Variants in EFHC1 observed in about 807,000 individuals in gnomAD.
EFHC1 encodes EF-hand domain containing 1, also known as EF-hand domain-containing protein 1.
EFHC1 carries 53 observed loss-of-function variants against 69.9 expected under a neutral mutation model. The observed-to-expected ratio is 0.76, with a 90% confidence interval of 0.61 to 0.95. EFHC1 has a LOEUF of 0.95. Ranked by LOEUF, EFHC1 falls within the 40% of genes least tolerant of loss-of-function variation. The pLI, the probability that EFHC1 is intolerant of heterozygous loss-of-function variation, is 0.00. For synonymous variants in EFHC1, 256 were observed against 278.4 expected, an observed-to-expected ratio of 0.92 and a Z score of 0.80; for missense variants, 739 against 798.7, an observed-to-expected ratio of 0.93 and a Z score of 0.90.
At chr6:52,424,292 T>C (rs1764258003) in intron 2 of EFHC1, 125 bp downstream of exon 2, 1 of 923,384 alleles carries the variant, frequency 1.1e-6, no homozygotes, top group Non-Finnish European at 1.7e-6. Context: ...TTCAGATGCC[T>C]TAACCCTTAG....
chr6:52,461,358 A>G (rs1301619926), intron 5 of EFHC1, among the ~76,000 whole-genome samples: 1 of 152,194 alleles, frequency 6.6e-6, no homozygotes, highest in East Asian at 1.9e-4. Context: ...GCTAAAGATA[A>G]TGGCCTTCAG....
At chr6:52,429,297 G>A (rs1764368313) in intron 2 of EFHC1, among the ~76,000 whole-genome samples, 1 of 152,156 alleles carries the variant, frequency 6.6e-6, no homozygotes, top group African/African-American at 2.4e-5. Context: ...GTTTTCCAAT[G>A]TTATTTTCTA....
chr6:52,451,325 T>C (rs1764912686), intron 3 of EFHC1, among the ~76,000 whole-genome samples: 1 of 152,186 alleles, frequency 6.6e-6, no homozygotes, highest in Non-Finnish European at 1.5e-5. Flanking sequence ...GTAAGGCAGG[T>C]CTGGTGGTAA....
At chr6:52,449,921 A>G (rs1386180955) in intron 3 of EFHC1, among the ~76,000 whole-genome samples, 1 of 152,032 alleles carries the variant, frequency 6.6e-6, no homozygotes, top group East Asian at 1.9e-4. Context: ...TTTGAGATGT[A>G]ACTTTTTGAC....
intron 2 of EFHC1, among the ~76,000 whole-genome samples, chr6:52,434,938 G>C (rs1289728794): frequency 6.6e-6 from 1 of 151,814 alleles, no homozygotes; most frequent in East Asian, 1.9e-4. Context: ...ATATATATGT[G>C]TATCTCCTTG....
At position 52,493,145 on chromosome 6, in the gene EFHC1, A is replaced by G; in HGVS notation, c.*804A>G. 1 of 453,724 alleles carries G rather than the reference A, an allele frequency of 2.2e-6. No homozygotes were observed. The highest frequency in any genetic ancestry group is 4.4e-6 in the Non-Finnish European group (1 of 226,720). 28.1% of individuals were successfully genotyped at this position (453,724 alleles called of 1,614,324 possible). A position where few individuals can be genotyped will look rare whatever the true frequency, so the allele number is the denominator to read the frequency against. ...CATCAGCCTTTTCTTGCCTTCAGACACAAATGGAAACATCAGCTGTTGGTC... is the reference window on the plus strand; with the variant it reads ...CATCAGCCTTTTCTTGCCTTCAGACGCAAATGGAAACATCAGCTGTTGGTC... On this transcript the variant is annotated 3_prime_UTR_variant, in exon 11 of 11. Transcript: ENST00000371068.
At chr6:52,437,123 C>T (rs564429342) in intron 2 of EFHC1, among the ~76,000 whole-genome samples, 7 of 152,262 alleles carry the variant, frequency 4.6e-5, no homozygotes, top group African/African-American at 1.2e-4. Context: ...GGTATGTACA[C>T]ACCCTTCAAA....
At chr6:52,448,417 G>A (rs1183355639) in intron 3 of EFHC1, among the ~76,000 whole-genome samples, 1 of 152,190 alleles carries the variant, frequency 6.6e-6, no homozygotes, top group Non-Finnish European at 1.5e-5. Context: ...TAAGGCCATT[G>A]GAAAAGTGCA....
At chr6:52,450,628 C>T (rs1391480203) in intron 3 of EFHC1, among the ~76,000 whole-genome samples, 3 of 152,058 alleles carry the variant, frequency 2.0e-5, no homozygotes, top group African/African-American at 4.8e-5. Context: ...ACTGCAACCC[C>T]TGCTTTTTTC....
At chr6:52,487,875 T>C (rs1368805690) in intron 9 of EFHC1, 2 of 152,298 alleles carry the variant, frequency 1.3e-5, no homozygotes, top group African/African-American at 2.4e-5. Context: ...TGTTGAGCCA[T>C]GTGAGCAAAC....
intron 4 of EFHC1, 178 bp downstream of exon 4, chr6:52,453,015 C>T (rs528779669): frequency 1.5e-5 from 23 of 1,537,662 alleles, no homozygotes; most frequent in Non-Finnish European, 1.7e-5. Context: ...ACAGGAATGC[C>T]TACATTTCAT....
chr6:52,476,571 A>G (rs1383374817), intron 7 of EFHC1, among the ~76,000 whole-genome samples: 1 of 152,216 alleles, frequency 6.6e-6, no homozygotes. Flanking sequence ...GATCAAGGTC[A>G]GTGTTATCCA....
rs1272280888 is a variant in EFHC1, at chr6:52,493,382, ATATT to A, written c.*1043_*1046del. 3.2e-5 allele frequency: 7 copies of A among 222,138 alleles called. No homozygotes were observed. The highest frequency in any genetic ancestry group is 1.2e-4 in the East Asian group (1 of 8,652). 13.8% of individuals were successfully genotyped at this position (222,138 alleles called of 1,614,324 possible). On this transcript the variant is annotated 3_prime_UTR_variant, in exon 11 of 11. Coordinates refer to ENST00000371068, the MANE Select transcript of EFHC1 (RefSeq NM_018100.4). ...TCTCTCTACATATATATATATATAT[ATATT>A]TTATATGTACACATTCATACACACA... is the stretch of plus-strand genomic sequence containing the variant.
At chr6:52,434,464 G>A (rs9395791) in intron 2 of EFHC1, among the ~76,000 whole-genome samples, 1 of 152,042 alleles carries the variant, frequency 6.6e-6, no homozygotes, top group Admixed American at 6.5e-5. Context: ...TCCTCAGTGG[G>A]GGTGTGTGTT....
At chr6:52,421,447 C>G (rs1581807641) in intron 1 of EFHC1, among the ~76,000 whole-genome samples, 1 of 149,714 alleles carries the variant, frequency 6.7e-6, no homozygotes, top group Non-Finnish European at 1.5e-5. Context: ...TTTTTAAACT[C>G]TTGCCACAGT....
At chr6:52,433,715 C>G (rs1764465222) in intron 2 of EFHC1, among the ~76,000 whole-genome samples, 1 of 152,110 alleles carries the variant, frequency 6.6e-6, no homozygotes, top group South Asian at 2.1e-4. Context: ...GGGGAACAGG[C>G]AGTGGGTGGG....
intron 2 of EFHC1, 95 bp from the exon 3 acceptor site, chr6:52,438,209 C>T: frequency 8.4e-7 from 1 of 1,195,724 alleles, no homozygotes; most frequent in Non-Finnish European, 1.2e-6. Context: ...TAAAATCTCC[C>T]TGTGTGGTTC....
intron 9 of EFHC1, among the ~76,000 whole-genome samples, chr6:52,481,360 G>GTA (rs1227082822): frequency 1.3e-5 from 2 of 152,082 alleles, no homozygotes; most frequent in Non-Finnish European, 2.9e-5. Flanking sequence ...TGGATATATC[G>GTA]TATATTAGGT....
chr6:52,487,591 C>T (rs1372523913), intron 9 of EFHC1: 1 of 152,238 alleles, frequency 6.6e-6, no homozygotes, highest in African/African-American at 2.4e-5. Context: ...ACCTGCTCTT[C>T]CTTATTCCTT....
Sources: gnomAD v4.1 joint callset for allele counts (sites outside exome capture counted in the v4.1 genomes callset) on GRCh38, gnomAD v4.1.1 for gene constraint, MANE v1.5 for transcripts, NCBI Gene and HGNC (gene_info 2026-07-23, HGNC 2026-07-21) for gene names.